The following AGBL1 variants were observed in gnomAD, a reference collection of about 807,000 sequenced individuals.
AGBL1 encodes AGBL carboxypeptidase 1.
AGBL1 carries 130 observed loss-of-function variants against 118.9 expected under a neutral mutation model. The observed-to-expected ratio is 1.09, with a 90% CI of 0.95 to 1.26. AGBL1 has a LOEUF of 1.26. Ranked by LOEUF, AGBL1 falls within the 50% of genes most tolerant of loss-of-function variation. The probability of loss-of-function intolerance (pLI) is 0.00; values close to 1 mark genes in which losing one functional copy is unlikely to be tolerated. For synonymous variants in AGBL1, 555 were observed against 478.9 expected, an observed-to-expected ratio of 1.16 and a Z score of -2.08; for missense variants, 1,584 against 1,298.1, an observed-to-expected ratio of 1.22 and a Z score of -3.38.
chr15:86,875,902 T>C (rs560311940), intron 22 of AGBL1, among the ~76,000 whole-genome samples: 1 of 152,168 alleles, frequency 6.6e-6, no homozygotes, highest in African/African-American at 2.4e-5. Context: ...TTCCTCTGCA[T>C]TGATCAATCC....
At chr15:86,208,942 T>C (rs910396508) in intron 5 of AGBL1, among the ~76,000 whole-genome samples, 1 of 152,244 alleles carries the variant, frequency 6.6e-6, no homozygotes, top group African/African-American at 2.4e-5. Context: ...TGCTTTCTCT[T>C]GTGGGCATTT....
intron 6 of AGBL1, among the ~76,000 whole-genome samples, chr15:86,241,323 C>G (rs374006485): frequency 1.5e-4 from 23 of 152,192 alleles, no homozygotes; most frequent in African/African-American, 5.1e-4. Flanking sequence ...TGAGCACATA[C>G]TTTATGTCAG....
At chr15:86,982,943 G>C (rs142728703) in intron 23 of AGBL1, among the ~76,000 whole-genome samples, 1 of 152,140 alleles carries the variant, frequency 6.6e-6, no homozygotes, top group African/African-American at 2.4e-5. Context: ...TTGAGAACCT[G>C]TGAGTTTGTC....
intron 7 of AGBL1, among the ~76,000 whole-genome samples, chr15:86,252,073 A>G (rs1345924570): frequency 6.6e-6 from 1 of 152,234 alleles, no homozygotes; most frequent in Non-Finnish European, 1.5e-5. Context: ...CAGAGTTTCT[A>G]CTTCAGTTGT....
At chr15:86,988,891 AT>A (rs1220180191) in intron 24 of AGBL1, among the ~76,000 whole-genome samples, 1 of 151,512 alleles carries the variant, frequency 6.6e-6, no homozygotes, top group Non-Finnish European at 1.5e-5. Flanking sequence ...ACAAGTATTT[AT>A]TCATTTTATT....
intron 22 of AGBL1, among the ~76,000 whole-genome samples, chr15:86,716,723 C>T (rs934782785): frequency 1.3e-5 from 2 of 152,084 alleles, no homozygotes; most frequent in Admixed American, 6.5e-5. Context: ...ATCCCAAAGC[C>T]GTCATTGCTA....
At chr15:86,990,729 A>T (rs1431338072) in intron 24 of AGBL1, among the ~76,000 whole-genome samples, 1 of 152,166 alleles carries the variant, frequency 6.6e-6, no homozygotes, top group Non-Finnish European at 1.5e-5. Context: ...GCACATGTTT[A>T]AAGAGTCTCA....
In AGBL1 at chr15:86,501,771, AT is replaced by A. The variant is rs144574270; in HGVS notation, c.2556-21036del. On this transcript the variant is annotated intron_variant, in intron 18 of 22. Transcript: ENST00000614907. ...GATTTGATCAATAATATATGGGTTTATTTCTGGACTCTCACTTCTGTTTCCA... is the reference window on the plus strand; with the variant it reads ...GATTTGATCAATAATATATGGGTTTATTCTGGACTCTCACTTCTGTTTCCA... Among the ~76,000 whole-genome samples, 309 of 151,660 alleles carry A rather than the reference AT, an allele frequency of 2.0e-3. 3 individuals are homozygous for A. The East Asian group carries it at 0.054, about 26-fold the overall frequency.
At chr15:86,291,528 C>G (rs558289637) in intron 16 of AGBL1, among the ~76,000 whole-genome samples, 54 of 152,246 alleles carry the variant, frequency 3.5e-4, no homozygotes, top group African/African-American at 1.2e-3. Context: ...AGTAAATTTA[C>G]TTATCCATAA....
chr15:86,757,828 C>T (rs1244363604), intron 22 of AGBL1, among the ~76,000 whole-genome samples: 1 of 152,062 alleles, frequency 6.6e-6, no homozygotes, highest in African/African-American at 2.4e-5. Flanking sequence ...CCGTGGCTGG[C>T]TCTTTATTCT....
intron 17 of AGBL1, among the ~76,000 whole-genome samples, chr15:86,351,192 C>A (rs913267748): frequency 3.3e-5 from 5 of 152,248 alleles, no homozygotes; most frequent in African/African-American, 1.2e-4. Context: ...GAAGGGTCTT[C>A]TTCTTGCATT....
chr15:86,255,973 C>T (rs959030131), intron 7 of AGBL1, among the ~76,000 whole-genome samples: 6 of 152,172 alleles, frequency 3.9e-5, no homozygotes, highest in African/African-American at 1.4e-4. Context: ...TAGCATCCAC[C>T]ATCTCCACTT....
At chr15:86,821,466 T>TA (rs1214462688) in intron 22 of AGBL1, among the ~76,000 whole-genome samples, 2 of 152,136 alleles carry the variant, frequency 1.3e-5, no homozygotes, top group Non-Finnish European at 2.9e-5. Flanking sequence ...AAACTGAAAG[T>TA]AATTCCAGAT....
At chr15:86,899,067 T>C (rs2080173353) in intron 22 of AGBL1, among the ~76,000 whole-genome samples, 1 of 152,162 alleles carries the variant, frequency 6.6e-6, no homozygotes, top group Non-Finnish European at 1.5e-5. Context: ...CAAATCATTC[T>C]ACCGCAAAGA....
At position 86,264,565 on chromosome 15, in the gene AGBL1, CA is replaced by C. The variant is rs1254426107; in HGVS notation, c.1395del (p.Asp466MetfsTer5). 6.2e-7 allele frequency: 1 copy of C among 1,614,040 alleles called. No individual in the cohort carries two copies. The highest frequency in any genetic ancestry group is 1.7e-5 in the Admixed American group (1 of 60,034). ...CCTGACATTCAGGCTTCCCCGAAAGCAGATGCCTGGGACGTAGATGCAATTT... is the reference window on the plus strand; with the variant it reads ...CCTGACATTCAGGCTTCCCCGAAAGCGATGCCTGGGACGTAGATGCAATTT... Reference protein sequence around the residue: ...EIPDIQASPKADAWDVDAIFC... With the variant: ...EIPDIQASPKXDAWDVDAIFC... On this transcript the variant is annotated frameshift_variant, in exon 11 of 23. Coordinates refer to ENST00000614907, the MANE Select transcript of AGBL1 (RefSeq NM_001386094.1). LOFTEE classifies it high-confidence loss of function.
intron 17 of AGBL1, among the ~76,000 whole-genome samples, chr15:86,377,004 T>C (rs1567225097): frequency 1.3e-5 from 2 of 152,228 alleles, no homozygotes; most frequent in Non-Finnish European, 2.9e-5. Flanking sequence ...CATATTAATT[T>C]ATGATCCTAT....
intron 23 of AGBL1, chr15:86,933,026 A>G (rs1389613919): frequency 6.6e-6 from 1 of 152,212 alleles, no homozygotes. Context: ...TTGAATAAAT[A>G]ATAATAGAAT....
At chr15:86,227,807 G>A (rs987705043) in intron 6 of AGBL1, among the ~76,000 whole-genome samples, 1 of 152,242 alleles carries the variant, frequency 6.6e-6, no homozygotes, top group African/African-American at 2.4e-5. Context: ...GAATGTCATT[G>A]TGAGCATTTA....
intron 17 of AGBL1, among the ~76,000 whole-genome samples, chr15:86,340,504 G>A (rs78052419): frequency 0.044 from 6,700 of 152,168 alleles, 278 homozygotes; most frequent in East Asian, 0.21. Context: ...CCAAGATTAG[G>A]GCTATGCTGT....
Sources: allele counts gnomAD v4.1 joint callset (sites outside exome capture counted in the v4.1 genomes callset), GRCh38; gene constraint gnomAD v4.1.1; transcripts MANE v1.5; gene names NCBI Gene and HGNC (gene_info 2026-07-23, HGNC 2026-07-21).